The following IL7 variants were observed in gnomAD, a reference collection of about 807,000 sequenced individuals.
IL7 encodes interleukin 7, also known as interleukin-7.
A neutral mutation model predicts 21.6 loss-of-function variants in IL7; 3 were observed. That is an observed-to-expected ratio of 0.14 (90% CI 0.06 to 0.36). The LOEUF is 0.36. IL7 is among the 10% of genes least tolerant of loss of function. IL7 has a pLI of 1.00. For missense variants in IL7, 175 were observed against 200.2 expected, an observed-to-expected ratio of 0.87 and a Z score of 0.76; for synonymous variants, 62 against 68.1, an observed-to-expected ratio of 0.91 and a Z score of 0.44.
rs193098949 is a variant in IL7 at position 78,691,071 on chromosome 8, C to T, written n.215-5124G>A. Among the ~76,000 whole-genome samples the T allele has an allele frequency of 5.3e-5, 8 of 151,950 alleles. 1 individual carries two copies. The highest frequency in any genetic ancestry group is 8.8e-5 in the Non-Finnish European group (6 of 67,948). ...CCCTCCAACCTTTTGGCTTTTATTT[C>T]TTTTTTGTGATTTACTGCATGGGCT... On this transcript the variant is annotated intron_variant and non_coding_transcript_variant, in intron 3 of 4. Coordinates refer to the IL7 transcript ENST00000523959.
At chr8:78,740,254 A>G (rs1811734940) in intron 2 of IL7, among the ~76,000 whole-genome samples, 172 bp from the exon 3 acceptor site, 1 of 152,196 alleles carries the variant, frequency 6.6e-6, no homozygotes, top group African/African-American at 2.4e-5. Context: ...CTATAGTTGA[A>G]GGATAAATAA....
intron 2 of IL7, among the ~76,000 whole-genome samples, chr8:78,766,588 T>C (rs1270414566): frequency 6.6e-6 from 1 of 152,158 alleles, no homozygotes; most frequent in East Asian, 1.9e-4. Context: ...CATTACACTT[T>C]GATTTTTGTA....
At chr8:78,723,564 T>C (rs1181494991) in intron 3 of IL7, among the ~76,000 whole-genome samples, 1 of 152,072 alleles carries the variant, frequency 6.6e-6, no homozygotes, top group Non-Finnish European at 1.5e-5. Context: ...TAAAGGATTA[T>C]ACAAAAGTTT....
intron 3 of IL7, among the ~76,000 whole-genome samples, chr8:78,693,579 G>T (rs1387289157): frequency 6.6e-6 from 1 of 152,006 alleles, no homozygotes; most frequent in Non-Finnish European, 1.5e-5. Flanking sequence ...TGATGGGGTT[G>T]TTTGTTTTTT....
At chr8:78,697,354 C>G in intron 3 of IL7, 1 of 1,411,944 alleles carries the variant, frequency 7.1e-7, no homozygotes, top group Non-Finnish European at 9.7e-7. Flanking sequence ...CACTACTTTA[C>G]AATCCATAAT....
intron 5 of IL7, among the ~76,000 whole-genome samples, chr8:78,735,988 CTAG>C (rs1349400050): frequency 3.3e-5 from 5 of 150,792 alleles, no homozygotes; most frequent in East Asian, 1.9e-4. Flanking sequence ...CTAATAATGT[CTAG>C]TAGTATATGT....
intron 6 of IL7, chr8:78,718,045 AAG>A (rs1311694975): frequency 2.0e-5 from 3 of 152,042 alleles, no homozygotes; most frequent in Non-Finnish European, 4.4e-5. Context: ...CCGAAAAACT[AAG>A]AGAAAAAAAA....
At chr8:78,754,170 T>C (rs1056576263) in intron 2 of IL7, among the ~76,000 whole-genome samples, 12 of 152,150 alleles carry the variant, frequency 7.9e-5, no homozygotes, top group African/African-American at 2.4e-4. Flanking sequence ...GCCCCAAAAC[T>C]CCTTAAGCTG....
chr8:78,765,579 G>A (rs917398916), intron 2 of IL7, among the ~76,000 whole-genome samples: 3 of 151,990 alleles, frequency 2.0e-5, no homozygotes, highest in South Asian at 4.1e-4. Context: ...CATATGAAAC[G>A]TTATTCAACA....
chr8:78,774,041 TATTA>T (rs1813050706), intron 2 of IL7, among the ~76,000 whole-genome samples: 1 of 152,072 alleles, frequency 6.6e-6, no homozygotes, highest in Non-Finnish European at 1.5e-5. Context: ...ACTCCAACCT[TATTA>T]ATCATGTTCT....
At chr8:78,717,338 G>A, downstream of IL7, 1 of 1,607,878 alleles carries the variant, frequency 6.2e-7, no homozygotes. Flanking sequence ...GCCAGATGGG[G>A]ACTGTGCATC....
chr8:78,790,801 A>C (rs1813662795), intron 2 of IL7, among the ~76,000 whole-genome samples: 1 of 152,148 alleles, frequency 6.6e-6, no homozygotes, highest in Non-Finnish European at 1.5e-5. Context: ...TGTTAAAAGA[A>C]AATTTAAAAG....
At chr8:78,696,588 AAAAT>A (rs1810422956) in intron 3 of IL7, among the ~76,000 whole-genome samples, 1 of 152,220 alleles carries the variant, frequency 6.6e-6, no homozygotes. Flanking sequence ...AAAGTAAAAT[AAAAT>A]TAATAAAGAT....
At chr8:78,691,581 T>C (rs1217629570) in intron 3 of IL7, among the ~76,000 whole-genome samples, 1 of 152,152 alleles carries the variant, frequency 6.6e-6, no homozygotes, top group African/African-American at 2.4e-5. Flanking sequence ...GGTGCAATTA[T>C]TGATTTGCTT....
chr8:78,784,622 G>A (rs1006960071), intron 2 of IL7, among the ~76,000 whole-genome samples: 2 of 151,860 alleles, frequency 1.3e-5, no homozygotes, highest in Non-Finnish European at 2.9e-5. Flanking sequence ...GAAGGGTCTT[G>A]TCTGTACCAG....
At chr8:78,675,748 A>T in exon 5 of IL7, 1 of 1,487,164 alleles carries the variant, frequency 6.7e-7, no homozygotes, top group Non-Finnish European at 9.2e-7. Context: ...CACAATTTCA[A>T]GTTATATAAA....
At chr8:78,800,091 A>G (rs12677655) in intron 1 of IL7, among the ~76,000 whole-genome samples, 45,252 of 151,832 alleles carry the variant, frequency 0.3, 9,480 homozygotes, top group African/African-American at 0.59. Context: ...CCCACCTTTC[A>G]AAGTCTCCAA....
intron 2 of IL7, among the ~76,000 whole-genome samples, chr8:78,788,786 C>T (rs1813594178): frequency 6.6e-6 from 1 of 152,116 alleles, no homozygotes; most frequent in African/African-American, 2.4e-5. Context: ...TTACTGATTT[C>T]CTCCCTGCTG....
chr8:78,734,469 T>C (rs2130661658), intron 5 of IL7, among the ~76,000 whole-genome samples: 1 of 152,314 alleles, frequency 6.6e-6, no homozygotes, highest in Non-Finnish European at 1.5e-5. Flanking sequence ...CCTGTGAGAA[T>C]GGGAATAGTG....
Sources: allele counts gnomAD v4.1 joint callset (sites outside exome capture counted in the v4.1 genomes callset), GRCh38; gene constraint gnomAD v4.1.1; transcripts MANE v1.5; gene names NCBI Gene and HGNC (gene_info 2026-07-23, HGNC 2026-07-21).